EFHD1: variants seen among roughly 807,000 people sequenced by gnomAD.
EFHD1 encodes the protein EF-hand domain-containing protein D1.
Under a neutral mutation model 17.2 loss-of-function variants are expected in EFHD1, and 10 were observed. The ratio of observed to expected loss-of-function variants is 0.58; its 90% CI spans 0.36 to 0.99. The LOEUF is 0.99. EFHD1 is among the 50% of genes least tolerant of loss of function. The pLI is 0.01. For missense variants in EFHD1, 310 were observed against 327.5 expected (o/e 0.95, Z 0.41); for synonymous variants, 153 against 142.0 (o/e 1.08, Z -0.55).
At chr2:232,680,041 G>A (rs2106222206) in intron 3 of EFHD1, among the ~76,000 whole-genome samples, 1 of 152,262 alleles carries the variant, frequency 6.6e-6, no homozygotes, top group Middle Eastern at 3.4e-3. Flanking sequence ...GGGAGGCTGA[G>A]GCAGGTGAAT....
intron 1 of EFHD1, among the ~76,000 whole-genome samples, chr2:232,645,881 C>G (rs895061401): frequency 4.6e-5 from 7 of 152,234 alleles, no homozygotes; most frequent in African/African-American, 1.7e-4. Flanking sequence ...GTGGCCTGCA[C>G]TCTTGTCCAG....
At chr2:232,630,001 G>A (rs987197726), upstream of EFHD1, among the ~76,000 whole-genome samples, 1 of 152,088 alleles carries the variant, frequency 6.6e-6, no homozygotes. Flanking sequence ...CCAGGCTGGA[G>A]TGCAATGGCT....
intron 1 of EFHD1, among the ~76,000 whole-genome samples, chr2:232,661,517 A>G (rs943060888): frequency 6.6e-6 from 1 of 151,430 alleles, no homozygotes; most frequent in Non-Finnish European, 1.5e-5. Context: ...CCTTGTATAA[A>G]CATACTATAT....
chr2:232,639,091 T>C (rs1694375277), intron 1 of EFHD1, among the ~76,000 whole-genome samples: 1 of 152,098 alleles, frequency 6.6e-6, no homozygotes, highest in African/African-American at 2.4e-5. Context: ...CAGTTGCTGG[T>C]GGGTTTATCT....
At chr2:232,623,673 CAAAAAA>C (rs756932393) in intron 1 of EFHD1, among the ~76,000 whole-genome samples, 1 of 86,650 alleles carries the variant, frequency 1.2e-5, no homozygotes, top group Non-Finnish European at 2.4e-5. Context: ...AGTCTCTGTC[CAAAAAA>C]AAAAAAAAAA....
At chr2:232,642,504 G>T (rs570913443) in intron 1 of EFHD1, among the ~76,000 whole-genome samples, 1 of 152,236 alleles carries the variant, frequency 6.6e-6, no homozygotes, top group Non-Finnish European at 1.5e-5. Context: ...ATAGTGTGTG[G>T]AATTGCACTC....
Position 232,662,958 on chromosome 2 carries a change from C to G in EFHD1, c.450+9C>G, listed in dbSNP as rs1574728007. 1.3e-6 allele frequency: 2 copies of G among 1,571,380 alleles called. No individual in the cohort carries two copies. Among genetic ancestry groups the G allele is most frequent in the East Asian group, 4.8e-5 (2 of 41,404 alleles). Reference sequence around the variant, plus strand: ...AGCTCAGCTTCCGGGAGGTACCTGCCTGCTGTGGCCCTGAGCCCCTGTGGG... The same window carrying G: ...AGCTCAGCTTCCGGGAGGTACCTGCGTGCTGTGGCCCTGAGCCCCTGTGGG... On this transcript the variant is annotated intron_variant, in intron 2 of 3. Transcript: ENST00000264059.
chr2:232,618,514 G>T (rs1258254864), intron 1 of EFHD1, among the ~76,000 whole-genome samples: 1 of 151,784 alleles, frequency 6.6e-6, no homozygotes, highest in Non-Finnish European at 1.5e-5. Context: ...ATGAGTCCAG[G>T]AGTTTGAGAC....
In EFHD1 at chr2:232,681,758, C is replaced by A; in HGVS notation, c.*39C>A. 1 of 1,604,428 alleles carries A rather than the reference C, an allele frequency of 6.2e-7. No homozygotes were observed. The highest frequency in any genetic ancestry group is 8.5e-7 in the Non-Finnish European group (1 of 1,175,526). ...GCCCTCTGCCCACAGCTGTGCCTCA[C>A]AGATGCCCCGAGAAGAGATGACTAG... On this transcript the variant is annotated 3_prime_UTR_variant, in exon 4 of 4. Transcript: ENST00000264059.
At chr2:232,607,540 G>C (rs2106178832) in intron 1 of EFHD1, among the ~76,000 whole-genome samples, 1 of 151,414 alleles carries the variant, frequency 6.6e-6, no homozygotes. Context: ...GCTGCACTTA[G>C]CCGAGATCGC....
chr2:232,682,073 G>C lies in EFHD1; in HGVS notation c.*354G>C, dbSNP rs1695295725. 1 of 180,514 alleles carries C rather than the reference G, an allele frequency of 5.5e-6. No individual in the cohort carries two copies. Among genetic ancestry groups the C allele is most frequent in the Non-Finnish European group, 1.1e-5 (1 of 87,510 alleles). 11.2% of individuals were successfully genotyped at this position (180,514 alleles called of 1,614,324 possible). ...TTTGTGTAGATATGTCTGTCTTTTTGGGTCCTCAGAGAAAATGCCCATTTT... is the reference window on the plus strand; with the variant it reads ...TTTGTGTAGATATGTCTGTCTTTTTCGGTCCTCAGAGAAAATGCCCATTTT... On this transcript the variant is annotated 3_prime_UTR_variant, in exon 4 of 4. Transcript: ENST00000264059.
chr2:232,633,725 G>A lies in EFHD1; in HGVS notation c.21G>A (p.Ala7=), dbSNP rs532652165. 2.0e-6 allele frequency: 3 copies of A among 1,467,320 alleles called. No homozygotes were observed. In the South Asian group the frequency reaches 3.9e-5, roughly 19 times the overall value. The allele number at this position is 1,467,320 out of a possible 1,614,324, so 90.9% of individuals were successfully genotyped here. The stretch of plus-strand genomic sequence containing the variant: ...CCGCCATGGCCAGTGAGGAGCTGGC[G>A]TGCAAGCTGGAGCGCCGGCTGCGGC... MASEEL[A]CKLERRLRRE... Residue 7 remains alanine (A), a synonymous_variant, in exon 1 of 4, where the codon GCG becomes GCA. Coordinates refer to ENST00000264059, the MANE Select transcript of EFHD1 (RefSeq NM_025202.4).
chr2:232,642,896 C>G (rs151016341), intron 1 of EFHD1, among the ~76,000 whole-genome samples: 86 of 152,230 alleles, frequency 5.6e-4, no homozygotes, highest in African/African-American at 2.1e-3. Context: ...ACTTGGGAGG[C>G]CTTTGGCTCA....
chr2:232,622,338 G>A (rs552264716), intron 1 of EFHD1, among the ~76,000 whole-genome samples: 8 of 152,186 alleles, frequency 5.3e-5, no homozygotes, highest in Admixed American at 2.0e-4. Context: ...GCATGGTGGC[G>A]GACGCCTGTA....
At chr2:232,635,156 A>G (rs1694294705) in intron 1 of EFHD1, among the ~76,000 whole-genome samples, 3 of 152,198 alleles carry the variant, frequency 2.0e-5, no homozygotes, top group African/African-American at 7.2e-5. Flanking sequence ...CAGTTCAGGA[A>G]GGCCCAGTGC....
intron 1 of EFHD1, among the ~76,000 whole-genome samples, chr2:232,659,293 G>GA (rs1052201969): frequency 1.3e-3 from 189 of 145,946 alleles, no homozygotes; most frequent in Middle Eastern, 6.9e-3. Flanking sequence ...AGGGCACTGA[G>GA]AAAAAAAAAA....
At chr2:232,680,258 G>C (rs1408980512) in intron 3 of EFHD1, among the ~76,000 whole-genome samples, 1 of 151,358 alleles carries the variant, frequency 6.6e-6, no homozygotes, top group Non-Finnish European at 1.5e-5. Flanking sequence ...CTGGACAACA[G>C]AGTGAGACTC....
At chr2:232,628,685 A>T (rs1238959326), upstream of EFHD1, among the ~76,000 whole-genome samples, 1 of 152,202 alleles carries the variant, frequency 6.6e-6, no homozygotes, top group Non-Finnish European at 1.5e-5. Flanking sequence ...TTTGAGACTC[A>T]AATCTCCATT....
intron 1 of EFHD1, among the ~76,000 whole-genome samples, chr2:232,610,286 TC>T (rs1333510161): frequency 6.6e-6 from 1 of 152,128 alleles, no homozygotes; most frequent in African/African-American, 2.4e-5. Flanking sequence ...CGGAAAGCCC[TC>T]CCATCCCTGA....
Sources: allele counts gnomAD v4.1 joint callset (sites outside exome capture counted in the v4.1 genomes callset), GRCh38; gene constraint gnomAD v4.1.1; transcripts MANE v1.5; gene names NCBI Gene and HGNC (gene_info 2026-07-23, HGNC 2026-07-21).